Variants in CCDC13 observed in about 807,000 individuals in gnomAD.
The protein encoded by CCDC13 is coiled-coil domain-containing protein 13.
In CCDC13, 70 loss-of-function variants were observed where a neutral mutation model predicts 87.3. The ratio of observed to expected loss-of-function variants is 0.80; its 90% CI spans 0.66 to 0.98. The LOEUF (loss-of-function observed/expected upper bound fraction) is 0.98. Among genes scored for constraint, CCDC13 ranks in the 50% least tolerant of loss-of-function variants. CCDC13 has a pLI of 0.00. For missense variants in CCDC13, 842 were observed against 892.0 expected (o/e 0.94, Z 0.71); for synonymous variants, 317 against 360.3 (o/e 0.88, Z 1.36).
rs1169452104 is a variant in CCDC13 at position 42,747,240 on chromosome 3, C to A, written c.720+17G>T. ...CCCCAGCCACACAAGAAGCCCCAAG[C>A]CCTGGCTCTGAAAGACCTTCTGTGC... On this transcript the variant is annotated intron_variant, in intron 6 of 15. Transcript: ENST00000310232. 6.3e-7 allele frequency: 1 copy of A among 1,596,526 alleles called. No individual in the cohort carries two copies. Among genetic ancestry groups the A allele is most frequent in the South Asian group, 1.1e-5 (1 of 90,750 alleles).
chr3:42,731,597 C>G (rs570423517), intron 12 of CCDC13, among the ~76,000 whole-genome samples: 1 of 152,252 alleles, frequency 6.6e-6, no homozygotes, highest in East Asian at 1.9e-4. Flanking sequence ...AGCAGGGGCT[C>G]TGTGTGTGCA....
At chr3:42,757,328 G>T in intron 2 of CCDC13, 114 bp from the exon 3 acceptor site, 1 of 983,598 alleles carries the variant, frequency 1.0e-6, no homozygotes, top group Non-Finnish European at 1.5e-6. Context: ...ACACACTGAC[G>T]TGAAAGAAGA....
In CCDC13 at chr3:42,711,913, T is replaced by C. The variant is rs368691651; in HGVS notation, c.1873+1249A>G. 4.7e-4 allele frequency among the ~76,000 whole-genome samples: 72 copies of C among 152,218 alleles called. No individual in the cohort carries two copies. The East Asian group carries it at 0.012, about 26-fold the overall frequency. ...CCTGCTGTGGCTTAGCTCTCCCTGG[T>C]TGGAAGTCCTGCTGCCCTACAGGAG... On this transcript the variant is annotated intron_variant, in intron 14 of 15. Transcript: ENST00000310232.
At chr3:42,712,657 G>A (rs1698339071) in intron 14 of CCDC13, among the ~76,000 whole-genome samples, 1 of 152,172 alleles carries the variant, frequency 6.6e-6, no homozygotes, top group South Asian at 2.1e-4. Context: ...TAGACCAGAA[G>A]ATGGAAGCTG....
In CCDC13 at chr3:42,747,183, C is replaced by T. The variant is rs1431896323; in HGVS notation, c.720+74G>A. ...GCACTCATGGCTCCAGAAAGGAATC[C>T]ACTGTGCCAGCCGTGCTCTTCCCAA... On this transcript the variant is annotated intron_variant, in intron 6 of 15. Coordinates refer to ENST00000310232, the MANE Select transcript of CCDC13 (RefSeq NM_144719.4). 6.4e-6 allele frequency: 7 copies of T among 1,096,406 alleles called. No individual in the cohort carries two copies. In the South Asian group the frequency reaches 8.6e-5, roughly 14 times the overall value. The allele number at this position is 1,096,406 out of a possible 1,614,324, so 67.9% of individuals were successfully genotyped here. A position where few individuals can be genotyped will look rare whatever the true frequency, so the allele number is the denominator to read the frequency against.
chr3:42,718,631 C>G (rs1453346246), intron 13 of CCDC13, among the ~76,000 whole-genome samples: 2 of 152,082 alleles, frequency 1.3e-5, no homozygotes, highest in Non-Finnish European at 2.9e-5. Flanking sequence ...GTGAGGAAAC[C>G]CCCAACTCAA....
chr3:42,713,312 C>T lies in CCDC13; in HGVS notation c.1723G>A (p.Glu575Lys), dbSNP rs752382670. The T allele has an allele frequency of 6.2e-7, 1 of 1,613,808 alleles. No individual in the cohort carries two copies. Among genetic ancestry groups the T allele is most frequent in the East Asian group, 2.2e-5 (1 of 44,882 alleles). Residue 575 changes from glutamate (E) to lysine (K), a missense_variant, in exon 14 of 16, where the codon GAG becomes AAG. By Grantham distance (56) the Glu-to-Lys change is moderately conservative (BLOSUM62 1). Transcript: ENST00000310232. ...EFVTVLQKRV[E>K]ESNSKLLESE... Reference sequence around the variant, plus strand: ...TCCAGGAGCTTGCTGTTGCTCTCCTCCACCCTGGTGATTAGAGAGGAGGGG... The same window carrying T: ...TCCAGGAGCTTGCTGTTGCTCTCCTTCACCCTGGTGATTAGAGAGGAGGGG...
chr3:42,708,319 C>T lies in CCDC13; in HGVS notation c.*661G>A, dbSNP rs927897623. ...CATCTGTCAAATAAGACAACAAACC[C>T]CTGGGTCATTAGAGGACTGAATGGG... On this transcript the variant is annotated 3_prime_UTR_variant, in exon 16 of 16. Transcript: ENST00000310232. 1.3e-5 allele frequency: 2 copies of T among 152,128 alleles called. No individual in the cohort carries two copies. The highest frequency in any genetic ancestry group is 4.8e-5 in the African/African-American group (2 of 41,396). 9.4% of individuals were successfully genotyped at this position (152,128 alleles called of 1,614,324 possible).
At chr3:42,725,113 A>C in intron 13 of CCDC13, among the ~76,000 whole-genome samples, 1 of 152,222 alleles carries the variant, frequency 6.6e-6, no homozygotes. Flanking sequence ...AGCAGATAAA[A>C]ACAAGGAGAT....
Position 42,733,546 on chromosome 3 carries a change from G to A in CCDC13, c.1435C>T (p.Gln479Ter), listed in dbSNP as rs1698899199. 2 of 1,614,106 alleles carry A rather than the reference G, an allele frequency of 1.2e-6. No homozygotes were observed. The highest frequency in any genetic ancestry group is 1.7e-4 in the Middle Eastern group (1 of 6,060). Residue 479 changes from glutamine (Q) to a stop codon, truncating the protein, a stop_gained, in exon 11 of 16, where the codon CAG becomes TAG. Transcript: ENST00000310232. LOFTEE classifies it high-confidence loss of function. ...SGREVSPAYT[Q>*]FLEDPGLTKS... ...GTCAGGCCTGGGTCCTCCAGGAACT[G>A]GGTATAGGCAGGGCTGACCTCGCGG...
chr3:42,725,714 C>T (rs913129374), intron 13 of CCDC13, among the ~76,000 whole-genome samples: 1 of 151,954 alleles, frequency 6.6e-6, no homozygotes, highest in Non-Finnish European at 1.5e-5. Context: ...AATAAATTCA[C>T]ATAAAGTACC....
chr3:42,752,510 A>G (rs1699609205), intron 4 of CCDC13, 65 bp downstream of exon 4: 5 of 1,595,160 alleles, frequency 3.1e-6, no homozygotes, highest in Non-Finnish European at 4.3e-6. Flanking sequence ...TGGAGAAGCT[A>G]GGGAGGTTCC....
chr3:42,715,584 C>A (rs1217628878), intron 13 of CCDC13, among the ~76,000 whole-genome samples: 1 of 151,828 alleles, frequency 6.6e-6, no homozygotes, highest in Non-Finnish European at 1.5e-5. Context: ...TGCACTCTGG[C>A]CTGGGCAACA....
intron 8 of CCDC13, among the ~76,000 whole-genome samples, chr3:42,741,760 G>A (rs1482157194): frequency 2.0e-5 from 3 of 152,122 alleles, no homozygotes; most frequent in African/African-American, 4.8e-5. Context: ...ACCGTTTGGT[G>A]GTTCTCCACA....
chr3:42,743,104 C>T (rs1168921602), intron 7 of CCDC13, 47 bp from the exon 8 acceptor site: 3 of 1,606,272 alleles, frequency 1.9e-6, no homozygotes, highest in East Asian at 2.2e-5. Context: ...TTCTGCCAGC[C>T]TCTTCTACTC....
Position 42,709,789 on chromosome 3 carries a change from G to A in CCDC13, c.1883C>T (p.Thr628Ile), listed in dbSNP as rs776724998. Residue 628 changes from threonine to isoleucine, a missense_variant, in exon 15 of 16, where the codon ACC (threonine) becomes ATC (isoleucine). By Grantham distance (89) the Thr-to-Ile change is moderately conservative. Coordinates refer to ENST00000310232, the MANE Select transcript of CCDC13 (RefSeq NM_144719.4). ...GGTTGGGTTGTGCCTGTTGTTAGAG[G>A]TGGGCAGACCTGTGGGGCAGCAGCA... ...AAPRTKTGLP[T>I]SNNRHNPTGS... is the part of the protein sequence containing the mutation. 2 of 1,614,056 alleles carry A rather than the reference G, an allele frequency of 1.2e-6. No individual in the cohort carries two copies. The highest frequency in any genetic ancestry group is 2.2e-5 in the South Asian group (2 of 91,084).
At chr3:42,732,211 G>A (rs1268912902) in intron 12 of CCDC13, among the ~76,000 whole-genome samples, 2 of 152,226 alleles carry the variant, frequency 1.3e-5, no homozygotes, top group African/African-American at 2.4e-5. Flanking sequence ...ATGCTGCCAA[G>A]TGTCAGCAGC....
chr3:42,734,757 G>A (rs563814776), intron 10 of CCDC13, among the ~76,000 whole-genome samples: 1 of 152,282 alleles, frequency 6.6e-6, no homozygotes, highest in South Asian at 2.1e-4. Flanking sequence ...CTTTGTCACT[G>A]GGAGACCTGC....
chr3:42,721,767 G>C (rs187221206), intron 13 of CCDC13, among the ~76,000 whole-genome samples: 10 of 152,320 alleles, frequency 6.6e-5, no homozygotes, highest in African/African-American at 2.4e-4. Context: ...ACTTTGACTT[G>C]AATGGTGTGC....
Sources: allele counts gnomAD v4.1 joint callset (sites outside exome capture counted in the v4.1 genomes callset), GRCh38; gene constraint gnomAD v4.1.1; transcripts MANE v1.5; gene names NCBI Gene and HGNC (gene_info 2026-07-23, HGNC 2026-07-21).